Variants in DOCK7 observed in about 807,000 individuals in gnomAD.
The protein encoded by DOCK7 is dedicator of cytokinesis 7.
In DOCK7, 138 loss-of-function variants were observed where a neutral mutation model predicts 271.0. The observed-to-expected ratio is 0.51, with a 90% CI of 0.44 to 0.59. The LOEUF is 0.59. Ranked by LOEUF, DOCK7 falls within the 20% of genes least tolerant of loss-of-function variation. DOCK7 has a pLI of 0.00. For synonymous variants in DOCK7, 823 were observed against 876.1 expected (o/e 0.94, Z 1.07); for missense variants, 2,066 against 2,592.4 (o/e 0.80, Z 4.41).
chr1:62,490,210 AC>A (rs536824980), intron 41 of DOCK7, among the ~76,000 whole-genome samples: 1 of 152,014 alleles, frequency 6.6e-6, no homozygotes, highest in Non-Finnish European at 1.5e-5. Flanking sequence ...AGCTAGGACT[AC>A]AGGTGCTCAC....
chr1:62,623,679 A>C (rs111498003), intron 12 of DOCK7, among the ~76,000 whole-genome samples: 12 of 152,358 alleles, frequency 7.9e-5, no homozygotes, highest in African/African-American at 2.6e-4. Context: ...CACTGTAGCA[A>C]ATCTATTACC....
chr1:62,458,104 T>G (rs1159892608), intron 48 of DOCK7: 1 of 191,534 alleles, frequency 5.2e-6, no homozygotes, highest in Non-Finnish European at 1.1e-5. Flanking sequence ...TGAGCTGAGA[T>G]TGTACCACTG....
chr1:62,561,199 G>C (rs972504656), intron 19 of DOCK7, among the ~76,000 whole-genome samples: 5 of 152,114 alleles, frequency 3.3e-5, no homozygotes, highest in Admixed American at 6.6e-5. Context: ...TCCAGGCAGA[G>C]AAAGAGGATG....
Position 62,513,991 on chromosome 1 carries a change from CAA to C in DOCK7, c.3937-95_3937-94del, listed in dbSNP as rs143439247. 2,852 of 1,147,510 alleles carry C rather than the reference CAA, an allele frequency of 2.5e-3. 56 individuals are homozygous for C. In the African/African-American group the frequency reaches 0.039, roughly 16 times the overall value. 71.1% of individuals were successfully genotyped at this position (1,147,510 alleles called of 1,614,324 possible). ...CTGTTTTCTTCTAAAAACAATAAAA[CAA>C]AAGTTGCTTAAAAATAATATAATTA... On this transcript the variant is annotated intron_variant, in intron 31 of 49. Transcript: ENST00000635253.
chr1:62,457,773 C>A, intron 48 of DOCK7, 68 bp from the exon 49 acceptor site: 1 of 1,431,804 alleles, frequency 7.0e-7, no homozygotes, highest in East Asian at 2.3e-5. Flanking sequence ...GCCATACACA[C>A]GCAAAATACA....
chr1:62,567,023 C>T (rs1031591379), intron 18 of DOCK7, among the ~76,000 whole-genome samples: 11 of 152,138 alleles, frequency 7.2e-5, no homozygotes, highest in African/African-American at 1.7e-4. Flanking sequence ...GTTAGAATGG[C>T]GATCATTAAA....
intron 33 of DOCK7, among the ~76,000 whole-genome samples, chr1:62,512,128 C>T (rs1644506007): frequency 6.6e-6 from 1 of 152,060 alleles, no homozygotes; most frequent in African/African-American, 2.4e-5. Context: ...TTCATTATTA[C>T]AAAACATAGT....
chr1:62,642,140 G>T (rs1434796693), intron 7 of DOCK7, among the ~76,000 whole-genome samples: 3 of 140,692 alleles, frequency 2.1e-5, no homozygotes, highest in Admixed American at 7.3e-5. Flanking sequence ...ACGGAGTCTT[G>T]CTCTGTCACC....
chr1:62,479,722 T>C, intron 43 of DOCK7: 1 of 383,152 alleles, frequency 2.6e-6, no homozygotes, highest in Non-Finnish European at 5.4e-6. Flanking sequence ...CTCACTCCAT[T>C]ACCCAGACTG....
intron 9 of DOCK7, 200 bp downstream of exon 9, chr1:62,634,573 C>T (rs1410255478): frequency 2.2e-6 from 1 of 448,896 alleles, no homozygotes; most frequent in African/African-American, 2.0e-5. Context: ...CCTATTAGTT[C>T]TGTTTCACTG....
intron 14 of DOCK7, among the ~76,000 whole-genome samples, chr1:62,611,936 G>C (rs923713456): frequency 1.3e-5 from 2 of 151,318 alleles, no homozygotes; most frequent in Non-Finnish European, 2.9e-5. Flanking sequence ...CCTGAGGTCA[G>C]GAGTTCGAGA....
At chr1:62,556,076 AT>A in intron 20 of DOCK7, 87 bp from the exon 21 acceptor site, 1 of 1,340,782 alleles carries the variant, frequency 7.5e-7, no homozygotes, top group Non-Finnish European at 1.0e-6. Flanking sequence ...TCATCTTTGC[AT>A]ACTTTAAGTA....
intron 1 of DOCK7, among the ~76,000 whole-genome samples, chr1:62,670,862 C>T (rs1224332142): frequency 2.6e-5 from 4 of 152,252 alleles, no homozygotes; most frequent in African/African-American, 9.6e-5. Flanking sequence ...GGGTCCCCTT[C>T]CACACTGTGG....
intron 1 of DOCK7, among the ~76,000 whole-genome samples, chr1:62,666,212 A>G (rs927305735): frequency 6.6e-6 from 1 of 152,158 alleles, no homozygotes; most frequent in Non-Finnish European, 1.5e-5. Context: ...TTAAGAAATG[A>G]CATTACTCCA....
chr1:62,498,648 A>AC (rs1020867968), intron 37 of DOCK7, among the ~76,000 whole-genome samples: 3 of 151,700 alleles, frequency 2.0e-5, no homozygotes, highest in African/African-American at 7.2e-5. Context: ...TGAAAAAAAA[A>AC]AACAAAAAAC....
At position 62,633,472 on chromosome 1, in the gene DOCK7, C is replaced by A. The variant is rs182547361; in HGVS notation, c.1116+26G>T. The stretch of plus-strand genomic sequence containing the variant: ...CCAAGTTACAATAGTAATAATGTGG[C>A]GGAAATGAGAAGCATAACATTCTAC... On this transcript the variant is annotated intron_variant, in intron 10 of 49. Transcript: ENST00000635253. 5.9e-6 allele frequency: 9 copies of A among 1,536,160 alleles called. 1 individual carries two copies. In the South Asian group the frequency reaches 9.1e-5, roughly 16 times the overall value.
At chr1:62,598,584 CA>C (rs1649635701) in intron 14 of DOCK7, 1 of 685,992 alleles carries the variant, frequency 1.5e-6, no homozygotes, top group Non-Finnish European at 2.6e-6. Context: ...TGCCAATATT[CA>C]TTTTTCAAAT....
At chr1:62,539,956 A>T (rs999742919) in intron 25 of DOCK7, 64 bp from the exon 26 acceptor site, 2 of 1,102,812 alleles carry the variant, frequency 1.8e-6, no homozygotes, top group South Asian at 4.2e-5. Context: ...ACAACTCTAA[A>T]CACTTGGACT....
At position 62,454,857 on chromosome 1, in the gene DOCK7, A is replaced by G. The variant is rs1239746246; in HGVS notation, c.*557T>C. The G allele has an allele frequency of 4.5e-6, 1 of 222,748 alleles. No homozygotes were observed. The highest frequency in any genetic ancestry group is 8.6e-6 in the Non-Finnish European group (1 of 115,838). 13.8% of individuals were successfully genotyped at this position (222,748 alleles called of 1,614,324 possible). ...CTAAATTCCTGTTTTGGGTATGTAA[A>G]TGGAAAATAACTTTGAAACAGTTAC... On this transcript the variant is annotated 3_prime_UTR_variant, in exon 50 of 50. Transcript: ENST00000635253.
Sources: allele counts gnomAD v4.1 joint callset (sites outside exome capture counted in the v4.1 genomes callset), GRCh38; gene constraint gnomAD v4.1.1; transcripts MANE v1.5; gene names NCBI Gene and HGNC (gene_info 2026-07-23, HGNC 2026-07-21).